Variants in HS6ST3 observed in about 807,000 individuals in gnomAD.
HS6ST3 encodes the protein heparan sulfate 6-O-sulfotransferase 3, also known as heparan-sulfate 6-O-sulfotransferase 3.
HS6ST3 carries 12 observed loss-of-function variants against 36.7 expected under a neutral mutation model. The ratio of observed to expected loss-of-function variants is 0.33; its 90% CI spans 0.21 to 0.53. HS6ST3 has a LOEUF of 0.53. HS6ST3 is among the 20% of genes least tolerant of loss of function. The pLI, the probability that HS6ST3 is intolerant of heterozygous loss-of-function variation, is 0.95. For synonymous variants in HS6ST3, 240 were observed against 257.5 expected (o/e 0.93, Z 0.65); for missense variants, 584 against 640.9 (o/e 0.91, Z 0.96).
chr13:96,191,384 G>A (rs552733744), intron 1 of HS6ST3, among the ~76,000 whole-genome samples: 7 of 152,316 alleles, frequency 4.6e-5, no homozygotes, highest in Admixed American at 2.0e-4. Context: ...CAGTCCTACT[G>A]TGCTACAGTC....
At chr13:96,215,814 G>C (rs1311654278) in intron 1 of HS6ST3, among the ~76,000 whole-genome samples, 1 of 152,102 alleles carries the variant, frequency 6.6e-6, no homozygotes, top group East Asian at 1.9e-4. Flanking sequence ...TGTATAGTTG[G>C]ACAATTTACT....
rs140903436 is a variant in HS6ST3 at position 96,369,888 on chromosome 13, A to ATT, written c.707+278327_707+278328dup. Among the ~76,000 whole-genome samples the ATT allele has an allele frequency of 3.3e-5, 5 of 151,202 alleles. No individual in the cohort carries two copies. In the South Asian group the frequency reaches 6.3e-4, roughly 19 times the overall value. On this transcript the variant is annotated intron_variant, in intron 1 of 1. Coordinates refer to ENST00000376705, the MANE Select transcript of HS6ST3 (RefSeq NM_153456.4). ...TTTTTAAGGCTATGTTCTTTCTACC[A>ATT]TTTTTTTTTAAGTTTTAGTAGAAAC...
intron 1 of HS6ST3, among the ~76,000 whole-genome samples, chr13:96,639,722 C>G (rs1210786999): frequency 6.6e-6 from 1 of 151,806 alleles, no homozygotes; most frequent in African/African-American, 2.4e-5. Context: ...AAAAATAGTC[C>G]TCAGTTTCTA....
chr13:96,138,493 C>T (rs1436618898), intron 1 of HS6ST3, among the ~76,000 whole-genome samples: 1 of 150,204 alleles, frequency 6.7e-6, no homozygotes, highest in African/African-American at 2.4e-5. Context: ...TATATATTTA[C>T]AGTTAATAAA....
intron 1 of HS6ST3, among the ~76,000 whole-genome samples, chr13:96,688,146 C>A (rs1379790602): frequency 1.3e-5 from 2 of 150,326 alleles, no homozygotes; most frequent in Non-Finnish European, 1.5e-5. Context: ...TGCAGCACAC[C>A]AACATGGCAC....
At chr13:96,361,356 C>G (rs555017195) in intron 1 of HS6ST3, among the ~76,000 whole-genome samples, 1 of 152,140 alleles carries the variant, frequency 6.6e-6, no homozygotes, top group East Asian at 1.9e-4. Flanking sequence ...AAATGACTTT[C>G]TTTATTTTAT....
intron 1 of HS6ST3, among the ~76,000 whole-genome samples, chr13:96,252,889 G>A (rs1013982829): frequency 6.6e-6 from 1 of 152,074 alleles, no homozygotes; most frequent in African/African-American, 2.4e-5. Context: ...CTCTCCAGAA[G>A]TCAAGCAGAT....
intron 1 of HS6ST3, among the ~76,000 whole-genome samples, chr13:96,549,130 C>T (rs1250832687): frequency 6.6e-6 from 1 of 152,202 alleles, no homozygotes; most frequent in Non-Finnish European, 1.5e-5. Flanking sequence ...CTCCTCACCT[C>T]CTCATAGTTT....
chr13:96,407,344 G>T (rs1195852749), intron 1 of HS6ST3, among the ~76,000 whole-genome samples: 2 of 152,126 alleles, frequency 1.3e-5, no homozygotes, highest in African/African-American at 4.8e-5. Flanking sequence ...CTTGGCTCTT[G>T]GATAGACTGG....
intron 1 of HS6ST3, among the ~76,000 whole-genome samples, chr13:96,822,537 T>C (rs913023840): frequency 6.6e-6 from 1 of 152,222 alleles, no homozygotes; most frequent in African/African-American, 2.4e-5. Context: ...GTGAGTTCGA[T>C]GCTCACAGGT....
At chr13:96,334,475 A>G (rs1419749866) in intron 1 of HS6ST3, among the ~76,000 whole-genome samples, 3 of 152,184 alleles carry the variant, frequency 2.0e-5, no homozygotes, top group Non-Finnish European at 4.4e-5. Context: ...GAATTACTGC[A>G]TTCGTCAGTT....
At chr13:96,799,064 C>A (rs1877979378) in intron 1 of HS6ST3, among the ~76,000 whole-genome samples, 1 of 152,114 alleles carries the variant, frequency 6.6e-6, no homozygotes, top group Non-Finnish European at 1.5e-5. Context: ...AAGGCCCTAT[C>A]TCCATATCTA....
intron 1 of HS6ST3, among the ~76,000 whole-genome samples, chr13:96,240,515 A>G (rs1594727855): frequency 1.3e-5 from 2 of 152,226 alleles, no homozygotes; most frequent in East Asian, 3.8e-4. Context: ...TCCTGGAGGA[A>G]ATAAAGTTAA....
intron 1 of HS6ST3, among the ~76,000 whole-genome samples, chr13:96,686,355 G>A (rs1190506009): frequency 6.6e-6 from 1 of 151,956 alleles, no homozygotes; most frequent in African/African-American, 2.4e-5. Context: ...ATAGTTTATT[G>A]CCTGTGTAAA....
At chr13:96,643,402 A>G (rs1217512122) in intron 1 of HS6ST3, among the ~76,000 whole-genome samples, 1 of 151,966 alleles carries the variant, frequency 6.6e-6, no homozygotes, top group Non-Finnish European at 1.5e-5. Context: ...CACATGCACA[A>G]GGGCTTCCAG....
chr13:96,254,418 A>G (rs1157402235), intron 1 of HS6ST3, among the ~76,000 whole-genome samples: 1 of 6,938 alleles, frequency 1.4e-4, no homozygotes, highest in African/African-American at 3.3e-4. Context: ...TGTCTCAGAA[A>G]AAAAAAAAAA....
At chr13:96,785,162 C>T (rs1877617764) in intron 1 of HS6ST3, among the ~76,000 whole-genome samples, 1 of 151,582 alleles carries the variant, frequency 6.6e-6, no homozygotes, top group South Asian at 2.1e-4. Flanking sequence ...GAGTGAGACC[C>T]TGTCTAAAAA....
intron 1 of HS6ST3, among the ~76,000 whole-genome samples, chr13:96,789,115 G>C (rs1480158717): frequency 6.6e-6 from 1 of 151,412 alleles, no homozygotes; most frequent in Non-Finnish European, 1.5e-5. Context: ...CTCTCTGCTA[G>C]ATTACTTGAA....
At chr13:96,265,638 A>G (rs1221879162) in intron 1 of HS6ST3, among the ~76,000 whole-genome samples, 1 of 152,158 alleles carries the variant, frequency 6.6e-6, no homozygotes, top group Non-Finnish European at 1.5e-5. Flanking sequence ...GTAATTTAGG[A>G]TTATGATGGA....
Sources: allele counts gnomAD v4.1 joint callset (sites outside exome capture counted in the v4.1 genomes callset), GRCh38; gene constraint gnomAD v4.1.1; transcripts MANE v1.5; gene names NCBI Gene and HGNC (gene_info 2026-07-23, HGNC 2026-07-21).